NMT2: variants seen among roughly 807,000 people sequenced by gnomAD.
The protein encoded by NMT2 is N-myristoyltransferase 2.
A neutral mutation model predicts 65.4 loss-of-function variants in NMT2; 35 were observed. The observed-to-expected ratio is 0.54, with a 90% CI of 0.41 to 0.71. The LOEUF is 0.71. Ranked by LOEUF, NMT2 falls within the 30% of genes least tolerant of loss-of-function variation. The pLI, the probability that NMT2 is intolerant of heterozygous loss-of-function variation, is 0.00. For synonymous variants in NMT2, 226 were observed against 231.8 expected (o/e 0.98, Z 0.23); for missense variants, 489 against 611.3 (o/e 0.80, Z 2.11).
chr10:15,161,102 A>AAAAAAAAAC (rs1833179136), intron 1 of NMT2, among the ~76,000 whole-genome samples: 1 of 149,428 alleles, frequency 6.7e-6, no homozygotes, highest in Non-Finnish European at 1.5e-5. Context: ...AAAAAAAAAA[A>AAAAAAAAAC]AAAAAAAACA....
intron 9 of NMT2, among the ~76,000 whole-genome samples, chr10:15,118,465 G>T (rs1395827857): frequency 2.0e-5 from 3 of 152,170 alleles, no homozygotes; most frequent in African/African-American, 7.2e-5. Context: ...CTTGAACCTG[G>T]GAGGTGGAGT....
At chr10:15,115,406 A>G (rs1220069961) in intron 9 of NMT2, among the ~76,000 whole-genome samples, 1 of 152,232 alleles carries the variant, frequency 6.6e-6, no homozygotes, top group East Asian at 1.9e-4. Context: ...TAAGTCACAT[A>G]TATATATTGT....
intron 10 of NMT2, among the ~76,000 whole-genome samples, chr10:15,111,535 T>TA (rs1302814508): frequency 1.4e-5 from 2 of 141,518 alleles, no homozygotes; most frequent in African/African-American, 2.6e-5. Context: ...AAAAAAAGTA[T>TA]AAAAAAATAG....
intron 6 of NMT2, 70 bp downstream of exon 6, chr10:15,132,747 A>G: frequency 4.3e-6 from 5 of 1,170,186 alleles, no homozygotes; most frequent in Non-Finnish European, 6.2e-6. Flanking sequence ...TAACTTTTAA[A>G]GGCCTAATCT....
chr10:15,158,498 A>G (rs943343610), intron 1 of NMT2, among the ~76,000 whole-genome samples: 3 of 152,164 alleles, frequency 2.0e-5, no homozygotes, highest in Admixed American at 6.5e-5. Flanking sequence ...AATAAAGACA[A>G]TTTGAAATAA....
chr10:15,133,693 C>T (rs957593440), intron 3 of NMT2, among the ~76,000 whole-genome samples: 7 of 152,136 alleles, frequency 4.6e-5, no homozygotes, highest in Admixed American at 3.3e-4. Context: ...CTCAAGCGAT[C>T]CTCTCTCCTC....
chr10:15,153,394 A>G (rs922460589), intron 1 of NMT2, among the ~76,000 whole-genome samples: 2 of 152,278 alleles, frequency 1.3e-5, no homozygotes, highest in Non-Finnish European at 2.9e-5. Context: ...AGAGGCACAC[A>G]TGTGCACATG....
intron 1 of NMT2, chr10:15,155,365 CT>C (rs770795353): frequency 5.1e-6 from 4 of 783,412 alleles, no homozygotes; most frequent in African/African-American, 3.5e-5. Context: ...TCTGCAAAGC[CT>C]TTTTTGTTGT....
intron 1 of NMT2, among the ~76,000 whole-genome samples, chr10:15,149,436 T>C (rs201220541): frequency 1.1e-4 from 1 of 8,738 alleles, no homozygotes; most frequent in Admixed American, 1.2e-3. Context: ...ACCATCACCA[T>C]CATCACCACC....
At chr10:15,135,703 G>A (rs147763584) in intron 2 of NMT2, among the ~76,000 whole-genome samples, 11 of 152,198 alleles carry the variant, frequency 7.2e-5, no homozygotes, top group African/African-American at 2.2e-4. Flanking sequence ...AATGGTCCCC[G>A]GCATTACTCC....
chr10:15,120,927 G>A (rs1203118942), intron 8 of NMT2, among the ~76,000 whole-genome samples: 1 of 152,136 alleles, frequency 6.6e-6, no homozygotes, highest in African/African-American at 2.4e-5. Context: ...CTACTCCAGA[G>A]CTTTAGAATT....
chr10:15,155,116 G>A, intron 1 of NMT2: 2 of 1,471,350 alleles, frequency 1.4e-6, no homozygotes, highest in Non-Finnish European at 1.9e-6. Context: ...GTGCCATTAT[G>A]GCATGTAAAG....
chr10:15,141,368 ACC>A (rs893844717), intron 2 of NMT2, 52 bp downstream of exon 2: 9 of 1,607,158 alleles, frequency 5.6e-6, no homozygotes, highest in Middle Eastern at 1.7e-4. Flanking sequence ...AACTGCGTAA[ACC>A]CACTCATGCA....
intron 10 of NMT2, among the ~76,000 whole-genome samples, chr10:15,112,518 C>G (rs545976038): frequency 8.6e-4 from 131 of 151,684 alleles, no homozygotes; most frequent in African/African-American, 3.1e-3. Context: ...CCTGAGCCAC[C>G]ATGCCCAGCC....
chr10:15,134,810 G>A (rs537066703), intron 3 of NMT2, among the ~76,000 whole-genome samples: 15 of 152,070 alleles, frequency 9.9e-5, no homozygotes, highest in East Asian at 1.9e-4. Flanking sequence ...CTGAAACAGC[G>A]TCTTTACAAA....
At chr10:15,162,825 A>G (rs147079739) in intron 1 of NMT2, among the ~76,000 whole-genome samples, 2 of 147,644 alleles carry the variant, frequency 1.4e-5, no homozygotes, top group East Asian at 3.9e-4. Flanking sequence ...TCTGTATTTG[A>G]TATTTATATA....
chr10:15,110,450 G>C (rs1316789058), intron 10 of NMT2, among the ~76,000 whole-genome samples: 9 of 152,056 alleles, frequency 5.9e-5, no homozygotes, highest in Non-Finnish European at 2.9e-5. Context: ...TATAGGTGTA[G>C]GTGTAGGTAC....
intron 6 of NMT2, among the ~76,000 whole-genome samples, chr10:15,130,761 G>A (rs1317815117): frequency 2.9e-5 from 4 of 138,640 alleles, no homozygotes; most frequent in South Asian, 2.3e-4. Flanking sequence ...AGAACATAAA[G>A]GCCATTCTAT....
At chr10:15,120,908 G>A (rs1359881830) in intron 8 of NMT2, among the ~76,000 whole-genome samples, 1 of 152,106 alleles carries the variant, frequency 6.6e-6, no homozygotes, top group Non-Finnish European at 1.5e-5. Context: ...CAGGGTAGGT[G>A]TCTTATCACT....
Sources: gnomAD v4.1 joint callset for allele counts (sites outside exome capture counted in the v4.1 genomes callset) on GRCh38, gnomAD v4.1.1 for gene constraint, MANE v1.5 for transcripts, NCBI Gene and HGNC (gene_info 2026-07-23, HGNC 2026-07-21) for gene names.